Variants in MAGT1 observed in about 807,000 individuals in gnomAD.
MAGT1 encodes the protein magnesium transporter 1.
A neutral mutation model predicts 28.4 loss-of-function variants in MAGT1; 4 were observed. The observed-to-expected ratio is 0.14, with a 90% confidence interval of 0.07 to 0.32. MAGT1 has a LOEUF of 0.32. Ranked by LOEUF, MAGT1 falls within the 10% of genes least tolerant of loss-of-function variation. The probability of loss-of-function intolerance (pLI) is 1.00; values close to 1 mark genes in which losing one functional copy is unlikely to be tolerated. For synonymous variants in MAGT1, 89 were observed against 89.7 expected (o/e 0.99, Z 0.04); for missense variants, 193 against 264.5 (o/e 0.73, Z 1.88).
At chrX:77,846,534 C>G (rs2076952031) in intron 7 of MAGT1, among the ~76,000 whole-genome samples, 1 of 112,072 alleles carries the variant, frequency 8.9e-6, no homozygotes, top group Admixed American at 9.6e-5. Context: ...TTCAGTTTTT[C>G]TCTTCTGTTT....
intron 3 of MAGT1, among the ~76,000 whole-genome samples, chrX:77,865,514 C>T (rs962292798): frequency 1.6e-4 from 17 of 108,108 alleles, no homozygotes; most frequent in South Asian, 4.1e-4. Context: ...AGGATGGTCT[C>T]GATATCCTGA....
chrX:77,892,402 G>A (rs1376906144), intron 1 of MAGT1, among the ~76,000 whole-genome samples: 15 of 111,844 alleles, frequency 1.3e-4, no homozygotes, highest in Admixed American at 1.3e-3. Flanking sequence ...GAGGGAAGGA[G>A]GAAAAACTAA....
chrX:77,835,532 T>C, intron 8 of MAGT1, among the ~76,000 whole-genome samples: 1 of 110,500 alleles, frequency 9.0e-6, no homozygotes, highest in Admixed American at 9.8e-5. Flanking sequence ...AGTTTGGAGG[T>C]TCCTCAAAAA....
intron 1 of MAGT1, among the ~76,000 whole-genome samples, chrX:77,887,075 T>A (rs1260297066): frequency 9.0e-6 from 1 of 111,350 alleles, no homozygotes; most frequent in Non-Finnish European, 1.9e-5. Flanking sequence ...TATAAGGGAA[T>A]TTCTTGTTTT....
intron 1 of MAGT1, among the ~76,000 whole-genome samples, chrX:77,884,931 G>A (rs1415675474): frequency 2.8e-5 from 3 of 108,697 alleles, no homozygotes; most frequent in African/African-American, 6.7e-5. Context: ...GCGCGGTGGC[G>A]GGTGCCTGTA....
intron 7 of MAGT1, among the ~76,000 whole-genome samples, chrX:77,853,231 C>T (rs2076973035): frequency 1.8e-5 from 2 of 112,021 alleles, no homozygotes; most frequent in South Asian, 7.3e-4. Flanking sequence ...CCCTAGCACA[C>T]ACTTCAGCTG....
At chrX:77,838,684 G>A (rs782805341) in intron 8 of MAGT1, among the ~76,000 whole-genome samples, 4 of 107,300 alleles carry the variant, frequency 3.7e-5, no homozygotes, top group South Asian at 8.2e-4. Flanking sequence ...CTTAAACCCA[G>A]GAGGCGGAGG....
At position 77,827,527 on chromosome X, in the gene MAGT1, C is replaced by T. The variant is rs186890404; in HGVS notation, c.*1693G>A. On this transcript the variant is annotated 3_prime_UTR_variant, in exon 10 of 10. Transcript: ENST00000618282. ...TGTGATCTTGGCTCACTGAAACCTC[C>T]ATCTCCTGAGTTCAAGTGATTCTCG... The T allele has an allele frequency of 3.7e-5, 4 of 107,614 alleles. No homozygotes were observed. In the Admixed American group the frequency reaches 4.0e-4, roughly 11 times the overall value. 8.9% of individuals were successfully genotyped at this position (107,614 alleles called of 1,213,427 possible).
At position 77,886,972 on chromosome X, in the gene MAGT1, G is replaced by A. The variant is rs148538750; in HGVS notation, c.102+8337C>T. ...GATCCTCCTGGAACGGTTGAAGAAT[G>A]TGATATTCTACTTAACTCAAATATA... is the stretch of plus-strand genomic sequence containing the variant. On this transcript the variant is annotated intron_variant, in intron 1 of 9. Coordinates refer to ENST00000618282, the MANE Select transcript of MAGT1 (RefSeq NM_001367916.1). Among the ~76,000 whole-genome samples the A allele has an allele frequency of 7.6e-3, 855 of 112,198 alleles. 13 individuals carry two copies. Among genetic ancestry groups the A allele is most frequent in the African/African-American group, 0.026 (813 of 30,948 alleles).
Position 77,826,785 on chromosome X carries a change from A to G in MAGT1, c.*2435T>C, listed in dbSNP as rs183606954. 1 of 112,349 alleles carries G rather than the reference A, an allele frequency of 8.9e-6. No individual in the cohort carries two copies. Among genetic ancestry groups the G allele is most frequent in the African/African-American group, 3.2e-5 (1 of 31,086 alleles). 9.3% of individuals were successfully genotyped at this position (112,349 alleles called of 1,213,427 possible). ...ATCAGGGCATCTTCATACAAGTCTC[A>G]TAAGAACCACAGCATAGATTTGGCC... is the stretch of plus-strand genomic sequence containing the variant. On this transcript the variant is annotated 3_prime_UTR_variant, in exon 10 of 10. Coordinates refer to ENST00000618282, the MANE Select transcript of MAGT1 (RefSeq NM_001367916.1).
intron 8 of MAGT1, among the ~76,000 whole-genome samples, chrX:77,832,475 C>T (rs909317216): frequency 6.3e-5 from 7 of 111,100 alleles, no homozygotes; most frequent in Admixed American, 3.8e-4. Context: ...TGTGTTGGGC[C>T]GCATGTGGCC....
At chrX:77,887,991 G>C (rs2077072073) in intron 1 of MAGT1, among the ~76,000 whole-genome samples, 1 of 111,069 alleles carries the variant, frequency 9.0e-6, no homozygotes, top group South Asian at 3.8e-4. Context: ...TGTACTTTTA[G>C]TAGAGACAGG....
chrX:77,843,406 T>G (rs973708327), intron 7 of MAGT1, among the ~76,000 whole-genome samples: 8 of 110,799 alleles, frequency 7.2e-5, no homozygotes, highest in Non-Finnish European at 1.5e-4. Flanking sequence ...GTTCGTTTTG[T>G]TGATTTTTTT....
At chrX:77,885,646 A>G (rs2077065957) in intron 1 of MAGT1, 1 of 110,507 alleles carries the variant, frequency 9.0e-6, no homozygotes, top group African/African-American at 3.3e-5. Flanking sequence ...AGCCTCCCAA[A>G]TAACTGGGAC....
intron 1 of MAGT1, among the ~76,000 whole-genome samples, chrX:77,883,764 G>A (rs1043181602): frequency 7.4e-5 from 8 of 108,211 alleles, no homozygotes; most frequent in African/African-American, 2.7e-4. Flanking sequence ...TGCCCAGGCT[G>A]GTCTCAAACT....
At chrX:77,864,440 C>T (rs782104177) in intron 3 of MAGT1, among the ~76,000 whole-genome samples, 103 of 110,930 alleles carry the variant, frequency 9.3e-4, no homozygotes, top group Non-Finnish European at 1.7e-3. Flanking sequence ...TGAAATGTTC[C>T]CAACATATAG....
At chrX:77,857,970 A>C (rs2076985488) in intron 3 of MAGT1, among the ~76,000 whole-genome samples, 1 of 111,765 alleles carries the variant, frequency 8.9e-6, no homozygotes, top group Non-Finnish European at 1.9e-5. Context: ...TATTCTAAGA[A>C]GGTCCATAAA....
At chrX:77,844,243 T>TTTA (rs2076943737) in intron 7 of MAGT1, among the ~76,000 whole-genome samples, 1 of 112,023 alleles carries the variant, frequency 8.9e-6, no homozygotes, top group African/African-American at 3.2e-5. Context: ...TGTAGAGGTG[T>TTTA]TTATAGTGTT....
rs61732679 is a variant in MAGT1, at chrX:77,856,754, A to T, written c.651T>A (p.Thr217=). Residue 217 remains threonine (T), a synonymous_variant, in exon 5 of 10, where the codon ACT becomes ACA. Transcript: ENST00000618282. ...RSNMEFLFNK[T]GWAFAALCFV... is the part of the protein sequence containing the mutation. ...TCACCAAAGCTGCAAAAGCCCATCCAGTTTTATTAAAGAGAAATTCCATAT... is the reference window on the plus strand; with the variant it reads ...TCACCAAAGCTGCAAAAGCCCATCCTGTTTTATTAAAGAGAAATTCCATAT... The T allele has an allele frequency of 2.9e-3, 3,448 of 1,207,966 alleles. 51 individuals carry two copies. The African/African-American group carries it at 0.051, about 18-fold the overall frequency.
Sources: allele counts gnomAD v4.1 joint callset (sites outside exome capture counted in the v4.1 genomes callset), GRCh38; gene constraint gnomAD v4.1.1; transcripts MANE v1.5; gene names NCBI Gene and HGNC (gene_info 2026-07-23, HGNC 2026-07-21).